Variants in HELZ observed in about 807,000 individuals in gnomAD.
The protein encoded by HELZ is helicase with zinc finger.
A neutral mutation model predicts 218.2 loss-of-function variants in HELZ; 23 were observed. The ratio of observed to expected loss-of-function variants is 0.11; its 90% CI spans 0.08 to 0.15. The LOEUF is 0.15. Ranked by LOEUF, HELZ falls within the 10% of genes least tolerant of loss-of-function variation. The pLI, the probability that HELZ is intolerant of heterozygous loss-of-function variation, is 1.00. For synonymous variants in HELZ, 814 were observed against 829.4 expected, an observed-to-expected ratio of 0.98 and a Z score of 0.32; for missense variants, 1,813 against 2,353.7, an observed-to-expected ratio of 0.77 and a Z score of 4.75.
chr17:67,182,260 G>A (rs12019081), intron 12 of HELZ, among the ~76,000 whole-genome samples: 21,893 of 151,954 alleles, frequency 0.14, 1,779 homozygotes, highest in East Asian at 0.19. Context: ...TGGTCAACAT[G>A]GCGAAACCCC....
intron 3 of HELZ, among the ~76,000 whole-genome samples, chr17:67,222,195 T>C (rs1454495597): frequency 6.6e-6 from 1 of 152,194 alleles, no homozygotes; most frequent in East Asian, 1.9e-4. Context: ...GTATAGACAA[T>C]GAAGTATTAT....
At chr17:67,221,789 C>T (rs1289246176) in intron 3 of HELZ, among the ~76,000 whole-genome samples, 1 of 151,426 alleles carries the variant, frequency 6.6e-6, no homozygotes, top group African/African-American at 2.4e-5. Flanking sequence ...CTCTAAAATT[C>T]CTTATTTTCA....
At chr17:67,166,727 G>T in intron 14 of HELZ, 119 bp from the exon 15 acceptor site, 1 of 766,468 alleles carries the variant, frequency 1.3e-6, no homozygotes, top group Non-Finnish European at 2.1e-6. Flanking sequence ...TTCTTTTAAA[G>T]TATAATCATA....
rs150504152 is a variant in HELZ, at chr17:67,093,379, C to T, written c.5242-6298G>A. Among the ~76,000 whole-genome samples the T allele has an allele frequency of 1.6e-3, 243 of 151,976 alleles. 1 individual carries two copies. The highest frequency in any genetic ancestry group is 5.6e-3 in the African/African-American group (234 of 41,440). The stretch of plus-strand genomic sequence containing the variant: ...TTGGAGAATCTAGGAGGCCCAACAT[C>T]TTATCAAAAGAAGTTTCAGAAAGTG... On this transcript the variant is annotated intron_variant, in intron 31 of 32. Transcript: ENST00000358691.
intron 3 of HELZ, among the ~76,000 whole-genome samples, chr17:67,231,592 G>GAA (rs777015874): frequency 2.2e-3 from 235 of 107,434 alleles, no homozygotes; most frequent in African/African-American, 7.9e-3. Context: ...GACTCTGTCG[G>GAA]AAAAAAAAAA....
chr17:67,202,989 G>A (rs2040205592), intron 6 of HELZ, among the ~76,000 whole-genome samples: 1 of 152,056 alleles, frequency 6.6e-6, no homozygotes, highest in South Asian at 2.1e-4. Flanking sequence ...AGGGATGGTA[G>A]TGCGCATCTG....
intron 18 of HELZ, 33 bp from the exon 19 acceptor site, chr17:67,150,018 G>C: frequency 7.8e-7 from 1 of 1,282,804 alleles, no homozygotes; most frequent in South Asian, 1.3e-5. Context: ...AGGATAGCAC[G>C]CTAGAGCAGC....
chr17:67,188,388 T>C lies in HELZ; in HGVS notation c.1093A>G (p.Ile365Val), dbSNP rs749752032. ...GGTTCCAATCCAAAGTCGAAAACTA[T>C]GGTTTGGCGAAAAGTTCCAAATATT... is the stretch of plus-strand genomic sequence containing the variant. ...TEIFGTFRQT[I>V]VFDFGLEPVL... Residue 365 changes from isoleucine (I) to valine (V), a missense_variant, in exon 12 of 33, where the codon ATA becomes GTA. Physicochemically the swap from Ile to Val is conservative, Grantham distance 29. This residue lies in a region of HELZ where 714 missense variants were observed against 1,029.2 expected (regional missense o/e 0.69). Transcript: ENST00000358691. The surrounding 1 kb of genome is among the most constrained non-coding windows in gnomAD (Gnocchi z 4.1). 4 of 1,613,842 alleles carry C rather than the reference T, an allele frequency of 2.5e-6. No homozygotes were observed. The highest frequency in any genetic ancestry group is 2.7e-5 in the African/African-American group (2 of 74,904).
chr17:67,173,073 C>T (rs2039358233), intron 13 of HELZ: 1 of 973,750 alleles, frequency 1.0e-6, no homozygotes, highest in Non-Finnish European at 1.2e-6. Flanking sequence ...GAGGTAGAGG[C>T]ACCAGAAGTG....
chr17:67,218,836 GA>G lies in HELZ; in HGVS notation c.-18-15del. 6.4e-7 allele frequency: 1 copy of G among 1,573,464 alleles called. No homozygotes were observed. The highest frequency in any genetic ancestry group is 8.7e-7 in the Non-Finnish European group (1 of 1,143,596). On this transcript the variant is annotated splice_polypyrimidine_tract_variant and intron_variant, in intron 3 of 32. Transcript: ENST00000358691. ...GGGACAAAAATCCTACAGACAGGGA[GA>G]AAGAACAAGAGAAGGTTTTTTAAAC...
At chr17:67,138,402 C>G (rs1411351921) in intron 21 of HELZ, among the ~76,000 whole-genome samples, 5 of 151,998 alleles carry the variant, frequency 3.3e-5, no homozygotes, top group African/African-American at 1.2e-4. Context: ...TAGGGAGGAA[C>G]AAGCTCAAGT....
intron 32 of HELZ, among the ~76,000 whole-genome samples, chr17:67,086,273 T>G (rs2036367453): frequency 6.6e-6 from 1 of 152,140 alleles, no homozygotes; most frequent in Non-Finnish European, 1.5e-5. Flanking sequence ...TATGGATATA[T>G]CTACTAACCT....
rs940907186 is a variant in HELZ at position 67,073,378 on chromosome 17, G to A, written c.*4874C>T. 1 of 152,506 alleles carries A rather than the reference G, an allele frequency of 6.6e-6. No homozygotes were observed. Among genetic ancestry groups the A allele is most frequent in the African/African-American group, 2.4e-5 (1 of 41,398 alleles). The allele number at this position is 152,506 out of a possible 1,614,324, so 9.4% of individuals were successfully genotyped here. On this transcript the variant is annotated 3_prime_UTR_variant, in exon 33 of 33. Coordinates refer to ENST00000358691, the MANE Select transcript of HELZ (RefSeq NM_014877.4). Reference sequence around the variant, plus strand: ...CATAATATTGTTTAATGAACTCATAGAATTATATAAAACTTACTATGCTTT... The same window carrying A: ...CATAATATTGTTTAATGAACTCATAAAATTATATAAAACTTACTATGCTTT...
intron 13 of HELZ, among the ~76,000 whole-genome samples, chr17:67,173,590 T>C (rs1328088450): frequency 2.0e-5 from 3 of 152,230 alleles, no homozygotes. Flanking sequence ...TTTCATGTGA[T>C]TTCTGACTAT....
chr17:67,189,533 A>C (rs1340550170), intron 11 of HELZ, 56 bp downstream of exon 11: 22 of 1,135,642 alleles, frequency 1.9e-5, no homozygotes, highest in Non-Finnish European at 2.9e-5. Context: ...AAGGTCAAAA[A>C]AACGTTCAGA....
chr17:67,189,580 A>C lies in HELZ; in HGVS notation c.864+9T>G. 1 of 1,581,224 alleles carries C rather than the reference A, an allele frequency of 6.3e-7. No homozygotes were observed. Among genetic ancestry groups the C allele is most frequent in the Non-Finnish European group, 8.7e-7 (1 of 1,151,848 alleles). On this transcript the variant is annotated intron_variant, in intron 11 of 32. Coordinates refer to ENST00000358691, the MANE Select transcript of HELZ (RefSeq NM_014877.4). ...AACTTTTATGCTTTAACTAGCACAA[A>C]ATTCATACCTTACAAGTGAGAGCAA...
chr17:67,186,226 C>T (rs1280801814), intron 12 of HELZ, among the ~76,000 whole-genome samples: 3 of 152,010 alleles, frequency 2.0e-5, no homozygotes. Context: ...AGAAATTATC[C>T]TAATCAAGGC....
chr17:67,157,275 G>T (rs976768820), intron 17 of HELZ, among the ~76,000 whole-genome samples: 14 of 152,062 alleles, frequency 9.2e-5, no homozygotes, highest in African/African-American at 3.4e-4. Flanking sequence ...CTAACTCCAA[G>T]CACCTGCTTC....
rs546511993 is a variant in HELZ, at chr17:67,082,412, C to T, written c.5495-3826G>A. On this transcript the variant is annotated intron_variant, in intron 32 of 32. Transcript: ENST00000358691. Reference sequence around the variant, plus strand: ...ACCTGATGGAAGCTACTTCACACTCCATATGACAAAGTTTCAAAACCATGT... The same window carrying T: ...ACCTGATGGAAGCTACTTCACACTCTATATGACAAAGTTTCAAAACCATGT... 2.0e-5 allele frequency among the ~76,000 whole-genome samples: 3 copies of T among 152,300 alleles called. No homozygotes were observed. The South Asian group carries it at 6.2e-4, about 32-fold the overall frequency.
Sources: gnomAD v4.1 joint callset for allele counts (sites outside exome capture counted in the v4.1 genomes callset) on GRCh38, gnomAD v4.1.1 for gene constraint, gnomAD v4.1.1 regional missense constraint, Gnocchi (gnomAD v3.1) non-coding constraint, MANE v1.5 for transcripts, NCBI Gene and HGNC (gene_info 2026-07-23, HGNC 2026-07-21) for gene names.